Variants in TBCD observed in about 807,000 individuals in gnomAD.
TBCD encodes tubulin folding cofactor D, also known as tubulin-specific chaperone D.
TBCD carries 105 observed loss-of-function variants against 169.3 expected under a neutral mutation model. The observed-to-expected ratio is 0.62, with a 90% CI of 0.53 to 0.73. The LOEUF is 0.73. TBCD is among the 30% of genes least tolerant of loss of function. The pLI is 0.00. For synonymous variants in TBCD, 700 were observed against 643.9 expected, an observed-to-expected ratio of 1.09 and a Z score of -1.32; for missense variants, 1,444 against 1,600.1, an observed-to-expected ratio of 0.90 and a Z score of 1.66.
Position 82,782,294 on chromosome 17 carries a change from A to G in TBCD, c.771+573A>G, listed in dbSNP as rs1246000527. Among the ~76,000 whole-genome samples the G allele has an allele frequency of 6.6e-6, 1 of 152,164 alleles. No homozygotes were observed. Among genetic ancestry groups the G allele is most frequent in the African/African-American group, 2.4e-5 (1 of 41,456 alleles). On this transcript the variant is annotated intron_variant, in intron 7 of 38. Transcript: ENST00000355528. This position sits in a 1 kb window ranked among gnomAD's most constrained non-coding sequence, Gnocchi z 5.1. ...AAAGGTCAAGTCTCAGAAGAGGGCA[A>G]AGCCTCTTTTGGGTCAGCGTCCTGG...
At chr17:82,847,629 G>A (rs146681770) in intron 13 of TBCD, among the ~76,000 whole-genome samples, 1 of 152,212 alleles carries the variant, frequency 6.6e-6, no homozygotes, top group East Asian at 1.9e-4. Context: ...TACAAATAAC[G>A]CCACAATTTA....
chr17:82,909,355 AC>A, intron 22 of TBCD, 48 bp downstream of exon 22: 1 of 1,476,908 alleles, frequency 6.8e-7, no homozygotes, highest in Non-Finnish European at 9.2e-7. Context: ...CTAATGAAGA[AC>A]TGCGCTGTCA....
chr17:82,892,169 T>TG lies in TBCD; in HGVS notation c.1564-1372dup, dbSNP rs113288451. ...TGTTGGTCTTGCTTTGTTCTCACCG[T>TG]GGGGGGATGCTGGACACAGAGTCCC... On this transcript the variant is annotated intron_variant, in intron 16 of 38. Transcript: ENST00000355528. Among the ~76,000 whole-genome samples, 104 of 152,082 alleles carry TG rather than the reference T, an allele frequency of 6.8e-4. 1 individual carries two copies. In the Middle Eastern group the frequency reaches 0.01, roughly 15 times the overall value.
At chr17:82,940,211 TTGCACGCG>T (rs1318491889) in intron 37 of TBCD, among the ~76,000 whole-genome samples, 36 of 115,938 alleles carry the variant, frequency 3.1e-4, no homozygotes, top group African/African-American at 5.9e-4. Flanking sequence ...ACATGCTCAC[TTGCACGCG>T]CGCACACACA....
chr17:82,875,000 A>G lies in TBCD; in HGVS notation c.1475+4620A>G, dbSNP rs2057866476. On this transcript the variant is annotated intron_variant, in intron 14 of 38. Coordinates refer to ENST00000355528, the MANE Select transcript of TBCD (RefSeq NM_005993.5). This position sits in a 1 kb window ranked among gnomAD's most constrained non-coding sequence, Gnocchi z 5.0. ...ATGCCTGATCGAGCTGGGCGGTGGC[A>G]GCAGCCGCTCCTCACTCTTCAGGTG... Among the ~76,000 whole-genome samples the G allele has an allele frequency of 6.6e-6, 1 of 152,196 alleles. No individual in the cohort carries two copies. Among genetic ancestry groups the G allele is most frequent in the African/African-American group, 2.4e-5 (1 of 41,454 alleles).
chr17:82,937,900 CA>C, intron 35 of TBCD, 148 bp from the exon 36 acceptor site: 2 of 1,530,314 alleles, frequency 1.3e-6, no homozygotes, highest in Non-Finnish European at 1.8e-6. Flanking sequence ...TGTACGCACA[CA>C]CACACCTCCG....
intron 34 of TBCD, among the ~76,000 whole-genome samples, chr17:82,935,805 ACTTT>A (rs1041833472): frequency 1.6e-4 from 24 of 151,896 alleles, no homozygotes; most frequent in African/African-American, 4.1e-4. Context: ...CCACGTTTTT[ACTTT>A]CTTTGTCTCT....
rs556764803 is a variant in TBCD, at chr17:82,826,536, C to G, written c.1318+11602C>G. ...GCTCAAGCAATCCTCCTGCCTCAGC[C>G]TCTCAAGTTGGTGGGACTACAGGCA... On this transcript the variant is annotated intron_variant, in intron 13 of 38. Coordinates refer to ENST00000355528, the MANE Select transcript of TBCD (RefSeq NM_005993.5). Among the ~76,000 whole-genome samples the G allele has an allele frequency of 7.9e-5, 12 of 152,076 alleles. No individual in the cohort carries two copies. In the East Asian group the frequency reaches 1.9e-3, roughly 25 times the overall value.
At chr17:82,888,600 C>A (rs2058915004) in intron 15 of TBCD, among the ~76,000 whole-genome samples, 4 of 152,246 alleles carry the variant, frequency 2.6e-5, no homozygotes. Context: ...CTCCAATCTC[C>A]AGCCCAGCCC....
At chr17:82,805,241 C>T (rs2050872748) in intron 9 of TBCD, among the ~76,000 whole-genome samples, 2 of 152,200 alleles carry the variant, frequency 1.3e-5, no homozygotes, top group Non-Finnish European at 2.9e-5. Context: ...GGGCATGGAG[C>T]GGCTCAGGAG....
chr17:82,805,735 C>G, intron 9 of TBCD, 140 bp from the exon 10 acceptor site: 1 of 1,003,326 alleles, frequency 1.0e-6, no homozygotes, highest in African/African-American at 1.6e-5. Flanking sequence ...CCAGGTTCTC[C>G]CTTCTTATCC....
intron 2 of TBCD, among the ~76,000 whole-genome samples, chr17:82,760,795 C>G (rs1378659349): frequency 6.6e-6 from 1 of 152,226 alleles, no homozygotes; most frequent in Non-Finnish European, 1.5e-5. Context: ...CCTTCCCATT[C>G]TCTGCTTCCG....
At chr17:82,857,038 G>A (rs1424188677) in intron 13 of TBCD, among the ~76,000 whole-genome samples, 2 of 152,252 alleles carry the variant, frequency 1.3e-5, no homozygotes, top group Non-Finnish European at 2.9e-5. Flanking sequence ...GCGTCCCCAA[G>A]CTGTTTCCAC....
intron 1 of TBCD, among the ~76,000 whole-genome samples, chr17:82,754,996 C>T (rs1757369072): frequency 6.6e-6 from 1 of 152,164 alleles, no homozygotes; most frequent in Non-Finnish European, 1.5e-5. Flanking sequence ...TCACATGTCC[C>T]CAAGGAAGTC....
intron 13 of TBCD, among the ~76,000 whole-genome samples, chr17:82,852,954 C>T (rs540677189): frequency 7.1e-4 from 108 of 152,294 alleles, no homozygotes; most frequent in African/African-American, 2.5e-3. Flanking sequence ...GCTTGCGATG[C>T]GTTCTGTTTT....
At chr17:82,797,851 A>G (rs756566775) in intron 8 of TBCD, 49 bp downstream of exon 8, 11 of 1,409,378 alleles carry the variant, frequency 7.8e-6, no homozygotes, top group East Asian at 7.0e-5. Context: ...GAGTTTGCTC[A>G]TATACAATCA....
In TBCD at chr17:82,945,208, A is replaced by G. The variant is rs1333974941; in HGVS notation, c.*2745A>G. ...ATGGATAGCTTAGACACAGCTGAAGAGAGAATTAGAAAACTGGAAGATCTG... is the reference window on the plus strand; with the variant it reads ...ATGGATAGCTTAGACACAGCTGAAGGGAGAATTAGAAAACTGGAAGATCTG... On this transcript the variant is annotated 3_prime_UTR_variant, in exon 39 of 39. Coordinates refer to ENST00000355528, the MANE Select transcript of TBCD (RefSeq NM_005993.5). 1 of 152,262 alleles carries G rather than the reference A, an allele frequency of 6.6e-6. No individual in the cohort carries two copies. The highest frequency in any genetic ancestry group is 1.9e-4 in the East Asian group (1 of 5,208). The allele number at this position is 152,262 out of a possible 1,614,324, so 9.4% of individuals were successfully genotyped here.
At chr17:82,827,719 A>G (rs999763970) in intron 13 of TBCD, among the ~76,000 whole-genome samples, 2 of 152,162 alleles carry the variant, frequency 1.3e-5, no homozygotes, top group Non-Finnish European at 2.9e-5. Flanking sequence ...TCGAATGTGC[A>G]TACACCCACA....
rs2050466687 is a variant in TBCD at position 82,800,982 on chromosome 17, G to A, written c.936G>A (p.Lys312=). The change falls in exon 9 of 39, where the codon AAG becomes AAA. Residue 312 remains lysine, a synonymous_variant. Coordinates refer to ENST00000355528, the MANE Select transcript of TBCD (RefSeq NM_005993.5). ...TGGGGCTGACATTCCTGAAGCCGAA[G>A]GTGGCAGCATGGAGGTAGGCACCAT... ...QRLGLTFLKP[K]VAAWRYQRGC... is the part of the protein sequence containing the mutation. 6.2e-7 allele frequency: 1 copy of A among 1,610,466 alleles called. No individual in the cohort carries two copies. Among genetic ancestry groups the A allele is most frequent in the Admixed American group, 1.7e-5 (1 of 59,742 alleles).
Sources: allele counts gnomAD v4.1 joint callset (sites outside exome capture counted in the v4.1 genomes callset), GRCh38; gene constraint gnomAD v4.1.1; non-coding constraint Gnocchi (gnomAD v3.1); transcripts MANE v1.5; gene names NCBI Gene and HGNC (gene_info 2026-07-23, HGNC 2026-07-21).